TECPR1: variants seen among roughly 807,000 people sequenced by gnomAD.
TECPR1 encodes tectonin beta-propeller repeat-containing protein 1.
In TECPR1, 122 loss-of-function variants were observed where a neutral mutation model predicts 162.4. The ratio of observed to expected loss-of-function variants is 0.75; its 90% CI spans 0.65 to 0.87. The LOEUF (loss-of-function observed/expected upper bound fraction) is 0.87. TECPR1 is among the 40% of genes least tolerant of loss of function. TECPR1 has a pLI of 0.00. For synonymous variants in TECPR1, 642 were observed against 670.6 expected (o/e 0.96, Z 0.66); for missense variants, 1,432 against 1,618.2 (o/e 0.88, Z 1.97).
At position 98,238,409 on chromosome 7, in the gene TECPR1, C is replaced by A. The variant is rs1798653950; in HGVS notation, c.1035+100G>T. On this transcript the variant is annotated intron_variant, in intron 9 of 25. Transcript: ENST00000447648. ...TTGCTCAGTACAATGGAGTGGGGGG[C>A]TCTCCTACAGTGGGAAGCGGCCACT... 6 of 947,984 alleles carry A rather than the reference C, an allele frequency of 6.3e-6. No individual in the cohort carries two copies. The South Asian group carries it at 8.5e-5, about 13-fold the overall frequency. The allele number at this position is 947,984 out of a possible 1,614,324, so 58.7% of individuals were successfully genotyped here. A position where few individuals can be genotyped will look rare whatever the true frequency, so the allele number is the denominator to read the frequency against.
intron 10 of TECPR1, among the ~76,000 whole-genome samples, chr7:98,234,140 T>C (rs766218607): frequency 2.0e-5 from 3 of 152,220 alleles, no homozygotes; most frequent in Non-Finnish European, 4.4e-5. Context: ...TATCTGAGAG[T>C]GAAGATCTAG....
chr7:98,237,827 G>T (rs1258760044), intron 9 of TECPR1, among the ~76,000 whole-genome samples: 2 of 152,118 alleles, frequency 1.3e-5, no homozygotes, highest in Non-Finnish European at 2.9e-5. Flanking sequence ...GGAGTGCGGT[G>T]GTGCAATCAT....
At chr7:98,248,613 G>A (rs542738765) in intron 2 of TECPR1, among the ~76,000 whole-genome samples, 16 of 150,672 alleles carry the variant, frequency 1.1e-4, no homozygotes, top group Admixed American at 4.0e-4. Context: ...AGGCCAAGGC[G>A]GATGGATCAC....
intron 6 of TECPR1, among the ~76,000 whole-genome samples, chr7:98,242,691 C>T (rs2116616368): frequency 7.1e-6 from 1 of 140,356 alleles, no homozygotes; most frequent in Admixed American, 7.4e-5. Flanking sequence ...ACCCACTCAC[C>T]CACTCACCCA....
intron 9 of TECPR1, among the ~76,000 whole-genome samples, chr7:98,237,538 G>A (rs1218610599): frequency 1.3e-5 from 2 of 152,038 alleles, no homozygotes; most frequent in African/African-American, 2.4e-5. Context: ...GCGTGATTTC[G>A]GCTCACTGCA....
intron 9 of TECPR1, among the ~76,000 whole-genome samples, chr7:98,237,615 C>G (rs1026906509): frequency 6.6e-6 from 1 of 152,148 alleles, no homozygotes; most frequent in Non-Finnish European, 1.5e-5. Flanking sequence ...ATTACAGTCA[C>G]GTGCTACCAC....
intron 19 of TECPR1, among the ~76,000 whole-genome samples, 182 bp from the exon 20 acceptor site, chr7:98,223,900 C>T (rs1188584546): frequency 6.6e-6 from 1 of 152,150 alleles, no homozygotes; most frequent in South Asian, 2.1e-4. Flanking sequence ...CCTGGCTGCC[C>T]CGGCAGGATC....
chr7:98,250,650 AAACAACAAC>A lies in TECPR1; in HGVS notation c.-20+735_-20+743del, dbSNP rs537337669. ...GAGACCCTGTCTCAAAAAGGAAAACAAACAACAACAACAACAACAACAAAACAAAGATAG... is the reference window on the plus strand; with the variant it reads ...GAGACCCTGTCTCAAAAAGGAAAACAAACAACAACAACAAAACAAAGATAG... On this transcript the variant is annotated intron_variant, in intron 2 of 25. Coordinates refer to ENST00000447648, the MANE Select transcript of TECPR1 (RefSeq NM_015395.3). Among the ~76,000 whole-genome samples the A allele has an allele frequency of 4.3e-3, 653 of 152,106 alleles. 1 individual carries two copies. Among genetic ancestry groups the A allele is most frequent in the Non-Finnish European group, 6.7e-3 (453 of 67,974 alleles).
chr7:98,230,871 T>C, intron 15 of TECPR1, 90 bp downstream of exon 15: 1 of 1,493,758 alleles, frequency 6.7e-7, no homozygotes, highest in South Asian at 1.3e-5. Flanking sequence ...TGACCCTGCG[T>C]GGACTCCAGT....
intron 6 of TECPR1, among the ~76,000 whole-genome samples, chr7:98,242,542 A>ACACCCATCCATCCATCCACACACC (rs1323605792): frequency 7.4e-6 from 1 of 135,752 alleles, no homozygotes; most frequent in Non-Finnish European, 1.6e-5. Flanking sequence ...ACCCACCTAC[A>ACACCCATCCATCCATCCACACACC]CACCCATCCA....
intron 16 of TECPR1, chr7:98,228,745 C>T (rs955379064): frequency 1.9e-5 from 6 of 324,080 alleles, no homozygotes; most frequent in Non-Finnish European, 2.9e-5. Context: ...AGAAGTTCAG[C>T]GAGTGCCTAC....
chr7:98,237,890 G>A (rs2116599718), intron 9 of TECPR1, among the ~76,000 whole-genome samples: 1 of 152,072 alleles, frequency 6.6e-6, no homozygotes, highest in Non-Finnish European at 1.5e-5. Context: ...CTCCTGCCTT[G>A]GCCTCCTGAG....
chr7:98,249,851 G>T (rs1799016574), intron 2 of TECPR1, among the ~76,000 whole-genome samples: 2 of 151,658 alleles, frequency 1.3e-5, no homozygotes, highest in African/African-American at 4.8e-5. Flanking sequence ...CTGGTAGGAG[G>T]AGATTGTAGT....
chr7:98,238,406 G>A (rs1361041632), intron 9 of TECPR1, 103 bp downstream of exon 9: 9 of 920,994 alleles, frequency 9.8e-6, no homozygotes, highest in African/African-American at 4.9e-5. Flanking sequence ...ATGGAGTGGG[G>A]GGCTCTCCTA....
chr7:98,231,489 C>T (rs1422407405), intron 13 of TECPR1, 116 bp from the exon 14 acceptor site: 3 of 1,146,454 alleles, frequency 2.6e-6, no homozygotes, highest in East Asian at 2.6e-5. Context: ...TCTCTCCTGG[C>T]ACCCCCAGCC....
chr7:98,215,956 T>C lies in TECPR1; in HGVS notation c.*1434A>G, dbSNP rs139615490. ...ACCCCATACAGCAAAACTGTACAAA[T>C]ACACACAACGGACCCCCAGCTGACA... On this transcript the variant is annotated 3_prime_UTR_variant, in exon 26 of 26. Transcript: ENST00000447648. 0.014 allele frequency: 2,191 copies of C among 152,274 alleles called. 21 individuals carry two copies. Among genetic ancestry groups the C allele is most frequent in the Non-Finnish European group, 0.023 (1,541 of 68,048 alleles). 9.4% of individuals were successfully genotyped at this position (152,274 alleles called of 1,614,324 possible).
intron 22 of TECPR1, 65 bp from the exon 23 acceptor site, chr7:98,221,818 T>G (rs1490613374): frequency 5.3e-6 from 7 of 1,331,054 alleles, no homozygotes; most frequent in Non-Finnish European, 7.5e-6. Context: ...GGTGGGGCTG[T>G]GGGCCTCGGT....
At position 98,233,454 on chromosome 7, in the gene TECPR1, A is replaced by G; in HGVS notation, c.1639T>C (p.Cys547Arg). 1.4e-6 allele frequency: 2 copies of G among 1,472,568 alleles called. No homozygotes were observed. The highest frequency in any genetic ancestry group is 1.4e-5 in the South Asian group (1 of 69,458). 91.2% of individuals were successfully genotyped at this position (1,472,568 alleles called of 1,614,324 possible). Residue 547 changes from cysteine to arginine, a missense_variant, in exon 11 of 26, where the codon TGT becomes CGT. Cys to Arg is a radical substitution (Grantham distance 180). Coordinates refer to ENST00000447648, the MANE Select transcript of TECPR1 (RefSeq NM_015395.3). The stretch of plus-strand genomic sequence containing the variant: ...ACAGTGAACCATCTGGGCATGGCAC[A>G]TGCCTCCACCACGCAGCCGCCTCCC... ...VSGGGCVVEACAMPRWFTVQA... is the reference protein window; with the variant it reads ...VSGGGCVVEARAMPRWFTVQA...
chr7:98,236,959 C>T (rs1242390011), intron 9 of TECPR1, 38 bp from the exon 10 acceptor site: 3 of 1,494,898 alleles, frequency 2.0e-6, no homozygotes, highest in Middle Eastern at 1.8e-4. Flanking sequence ...AATCTGGGCG[C>T]AGGCCCGGGG....
Sources: gnomAD v4.1 joint callset for allele counts (sites outside exome capture counted in the v4.1 genomes callset) on GRCh38, gnomAD v4.1.1 for gene constraint, MANE v1.5 for transcripts, NCBI Gene and HGNC (gene_info 2026-07-23, HGNC 2026-07-21) for gene names.